Variants in WFIKKN2 observed in about 807,000 individuals in gnomAD.
The protein encoded by WFIKKN2 is WAP, follistatin/kazal, immunoglobulin, kunitz and netrin domain containing 2.
In WFIKKN2, 25 loss-of-function variants were observed where a neutral mutation model predicts 39.2. The ratio of observed to expected loss-of-function variants is 0.64; its 90% CI spans 0.47 to 0.89. The LOEUF is 0.89. Ranked by LOEUF, WFIKKN2 falls within the 40% of genes least tolerant of loss-of-function variation. The probability of loss-of-function intolerance (pLI) is 0.00; values close to 1 mark genes in which losing one functional copy is unlikely to be tolerated. For synonymous variants in WFIKKN2, 345 were observed against 329.7 expected, an observed-to-expected ratio of 1.05 and a Z score of -0.50; for missense variants, 770 against 811.7, an observed-to-expected ratio of 0.95 and a Z score of 0.62.
At chr17:50,838,972 C>T (rs1971994289) in intron 1 of WFIKKN2, among the ~76,000 whole-genome samples, 1 of 152,180 alleles carries the variant, frequency 6.6e-6, no homozygotes, top group South Asian at 2.1e-4. Context: ...GAAAGGCAGG[C>T]CTACTTGTTC....
At chr17:50,837,510 C>T (rs1023400728) in intron 1 of WFIKKN2, among the ~76,000 whole-genome samples, 6 of 152,252 alleles carry the variant, frequency 3.9e-5, no homozygotes, top group Non-Finnish European at 7.3e-5. Flanking sequence ...GTGGGACCTA[C>T]ACCTGCTCCA....
In WFIKKN2 at chr17:50,840,002, G is replaced by A. The variant is rs1972015252; in HGVS notation, c.714G>A (p.Arg238=). 6.2e-7 allele frequency: 1 copy of A among 1,614,128 alleles called. No homozygotes were observed. Among genetic ancestry groups the A allele is most frequent in the African/African-American group, 1.3e-5 (1 of 74,956 alleles). The change falls in exon 2 of 2, where the codon CGG becomes CGA. Residue 238 remains arginine (R), a synonymous_variant. Transcript: ENST00000311378. ...TCTGTGATGTGGTGGGCCGGCCCCG[G>A]CCTGAGATCACCTGGGAGAAGCAGT... ...SFLCDVVGRP[R]PEITWEKQLE...
At chr17:50,837,740 C>A (rs776951165) in intron 1 of WFIKKN2, among the ~76,000 whole-genome samples, 2 of 152,236 alleles carry the variant, frequency 1.3e-5, no homozygotes, top group African/African-American at 4.8e-5. Context: ...GACAGATGCT[C>A]CCCTTGGGCA....
chr17:50,839,591 C>A lies in WFIKKN2; in HGVS notation c.303C>A (p.Gly101=). Residue 101 remains glycine, a synonymous_variant, in exon 2 of 2, where the codon GGC becomes GGA. Transcript: ENST00000311378. The part of the protein sequence containing the change: ...ARYMDVKGKK[G]PVGMPKEATC... ...ACATGGACGTGAAAGGGAAGAAGGG[C>A]CCAGTGGGCATGCCCAAGGAGGCCA... 1 of 1,614,172 alleles carries A rather than the reference C, an allele frequency of 6.2e-7. No homozygotes were observed.
At chr17:50,836,192 A>G in intron 1 of WFIKKN2, 45 bp downstream of exon 1, 1 of 1,596,948 alleles carries the variant, frequency 6.3e-7, no homozygotes, top group Non-Finnish European at 8.5e-7. Context: ...TGAGCCTGTG[A>G]GTGACGGGGG....
chr17:50,836,922 T>G (rs572600820), intron 1 of WFIKKN2, among the ~76,000 whole-genome samples: 1 of 152,308 alleles, frequency 6.6e-6, no homozygotes, highest in African/African-American at 2.4e-5. Flanking sequence ...ACAGGCCCCG[T>G]TCACCTGGAG....
At position 50,840,330 on chromosome 17, in the gene WFIKKN2, GC is replaced by G; in HGVS notation, c.1045del (p.Gln349ArgfsTer6). 6.2e-7 allele frequency: 1 copy of G among 1,614,176 alleles called. No homozygotes were observed. Among genetic ancestry groups the G allele is most frequent in the Non-Finnish European group, 8.5e-7 (1 of 1,180,040 alleles). ...GEEQTRWHFD[A>X]QANNCLTFTF... ...AGAGCAGACCCGCTGGCACTTCGAT[GC>G]CCAGGCCAACAACTGCCTGACCTTC... On this transcript the variant is annotated frameshift_variant, in exon 2 of 2. Transcript: ENST00000311378. LOFTEE classifies it high-confidence loss of function.
chr17:50,841,016 C>A lies in WFIKKN2; in HGVS notation c.1728C>A (p.His576Gln). Residue 576 changes from histidine to glutamine, a missense_variant, in exon 2 of 2, where the codon CAC becomes CAA. Physicochemically the swap from His to Gln is conservative, Grantham distance 24. Coordinates refer to ENST00000311378, the MANE Select transcript of WFIKKN2 (RefSeq NM_175575.6). The part of the protein sequence containing the change: ...CDVLKEFLGL[H>Q] ...TCCTCAAGGAGTTTCTTGGCTTGCA[C>A]TGAAGCCCCCCACCCCTCCCTGCCC... 6.5e-7 allele frequency: 1 copy of A among 1,528,760 alleles called. No homozygotes were observed. Among genetic ancestry groups the A allele is most frequent in the Non-Finnish European group, 8.8e-7 (1 of 1,137,238 alleles). The allele number at this position is 1,528,760 out of a possible 1,614,324, so 94.7% of individuals were successfully genotyped here.
chr17:50,839,943 C>A lies in WFIKKN2; in HGVS notation c.655C>A (p.Gln219Lys), dbSNP rs1375294498. ...TGCGCTGCTCAACAACCCTGTGCACCAGTCGGTCACCATGGGTGAGACAGT... is the reference window on the plus strand; with the variant it reads ...TGCGCTGCTCAACAACCCTGTGCACAAGTCGGTCACCATGGGTGAGACAGT... ...APALLNNPVH[Q>K]SVTMGETVSF... The change falls in exon 2 of 2, where the codon CAG becomes AAG. Residue 219 changes from glutamine (Q) to lysine (K), a missense_variant. Physicochemically the swap from Gln to Lys is moderately conservative, Grantham distance 53. Transcript: ENST00000311378. 1 of 1,614,160 alleles carries A rather than the reference C, an allele frequency of 6.2e-7. No homozygotes were observed. Among genetic ancestry groups the A allele is most frequent in the South Asian group, 1.1e-5 (1 of 91,090 alleles).
rs748492095 is a variant in WFIKKN2 at position 50,840,727 on chromosome 17, G to A, written c.1439G>A (p.Arg480His). The A allele has an allele frequency of 2.9e-5, 47 of 1,613,874 alleles. No homozygotes were observed. The highest frequency in any genetic ancestry group is 1.7e-4 in the Middle Eastern group (1 of 5,962). ...CTGACCGAGGAGCCTGACTCGGGCCGCGCCCTGGTGACTGTGGATGAGGTC... is the reference window on the plus strand; with the variant it reads ...CTGACCGAGGAGCCTGACTCGGGCCACGCCCTGGTGACTGTGGATGAGGTC... ...SELTEEPDSG[R>H]ALVTVDEVLK... is the part of the protein sequence containing the mutation. Residue 480 changes from arginine (R) to histidine (H), a missense_variant, in exon 2 of 2, where the codon CGC becomes CAC. Arg to His is a conservative substitution (Grantham distance 29). Coordinates refer to ENST00000311378, the MANE Select transcript of WFIKKN2 (RefSeq NM_175575.6).
In WFIKKN2 at chr17:50,839,816, C is replaced by A. The variant is rs749302087; in HGVS notation, c.528C>A (p.Arg176=). The change falls in exon 2 of 2, where the codon CGC becomes CGA. Residue 176 remains arginine (R), a synonymous_variant. Coordinates refer to ENST00000311378, the MANE Select transcript of WFIKKN2 (RefSeq NM_175575.6). ...TCACACTGGCCGTTGTAACCTGCCG[C>A]TATCACTTCACCTGGCCCAACACCA... ...KGITLAVVTC[R]YHFTWPNTSP... is the part of the protein sequence containing the mutation. The A allele has an allele frequency of 2.1e-5, 34 of 1,614,120 alleles. No individual in the cohort carries two copies. The African/African-American group carries it at 4.3e-4, about 20-fold the overall frequency.
At chr17:50,835,534 C>CT (rs67643865), upstream of WFIKKN2, 421 of 175,314 alleles carry the variant, frequency 2.4e-3, no homozygotes, top group East Asian at 4.7e-3. Flanking sequence ...CTTCCAGCTT[C>CT]TTTTTTTTTT....
intron 1 of WFIKKN2, among the ~76,000 whole-genome samples, chr17:50,838,890 G>A (rs964030264): frequency 1.3e-5 from 2 of 152,092 alleles, no homozygotes; most frequent in South Asian, 4.1e-4. Context: ...AGTCCCAGGG[G>A]CATTCCCCTC....
intron 1 of WFIKKN2, 102 bp downstream of exon 1, chr17:50,836,249 G>A (rs919000021): frequency 2.4e-5 from 33 of 1,369,632 alleles, no homozygotes; most frequent in Non-Finnish European, 3.0e-5. Flanking sequence ...GGAGGACAAC[G>A]TGAGTGGGGT....
intron 1 of WFIKKN2, among the ~76,000 whole-genome samples, chr17:50,836,919 C>T (rs1335656390): frequency 1.3e-5 from 2 of 152,324 alleles, no homozygotes; most frequent in South Asian, 2.1e-4. Context: ...AACACAGGCC[C>T]CGTTCACCTG....
In WFIKKN2 at chr17:50,835,657, A is replaced by C; in HGVS notation, c.-281A>C. On this transcript the variant is annotated 5_prime_UTR_variant, in exon 1 of 2. Transcript: ENST00000311378. ...CCCACTCGGGTGGCGCGCCCAGGATATAAATCCGGGCGCGGGCCCCTGCTG... is the reference window on the plus strand; with the variant it reads ...CCCACTCGGGTGGCGCGCCCAGGATCTAAATCCGGGCGCGGGCCCCTGCTG... The C allele has an allele frequency of 6.6e-6, 3 of 453,794 alleles. No homozygotes were observed. Among genetic ancestry groups the C allele is most frequent in the Non-Finnish European group, 7.8e-6 (2 of 257,348 alleles). The allele number at this position is 453,794 out of a possible 1,614,324, so 28.1% of individuals were successfully genotyped here.
At position 50,840,446 on chromosome 17, in the gene WFIKKN2, C is replaced by T. The variant is rs149628987; in HGVS notation, c.1158C>T (p.Cys386=). 6 of 1,613,722 alleles carry T rather than the reference C, an allele frequency of 3.7e-6. No individual in the cohort carries two copies. The highest frequency in any genetic ancestry group is 1.6e-4 in the Middle Eastern group (1 of 6,084). Residue 386 remains cysteine, a synonymous_variant, in exon 2 of 2, where the codon TGC becomes TGT. Coordinates refer to ENST00000311378, the MANE Select transcript of WFIKKN2 (RefSeq NM_175575.6). ...LACMSGPLAA[C]SLPALQGPCK... is the part of the protein sequence containing the mutation. ...GCATGAGCGGGCCGCTGGCCGCGTG[C>T]AGCCTGCCCGCCCTGCAGGGGCCCT... is the stretch of plus-strand genomic sequence containing the variant.
In WFIKKN2 at chr17:50,840,078, G is replaced by A. The variant is rs756317416; in HGVS notation, c.790G>A (p.Val264Met). Residue 264 changes from valine to methionine, a missense_variant, in exon 2 of 2, where the codon GTG becomes ATG. By Grantham distance (21) the Val-to-Met change is conservative (BLOSUM62 1). Coordinates refer to ENST00000311378, the MANE Select transcript of WFIKKN2 (RefSeq NM_175575.6). ...GCGGCCCAACCATGTGCGTGGCAAC[G>A]TGGTGGTCACCAACATTGCCCAGCT... ...VMRPNHVRGN[V>M]VVTNIAQLVI... 69 of 1,614,104 alleles carry A rather than the reference G, an allele frequency of 4.3e-5. No individual in the cohort carries two copies. Among genetic ancestry groups the A allele is most frequent in the Non-Finnish European group, 5.7e-5 (67 of 1,180,036 alleles).
Position 50,840,279 on chromosome 17 carries a change from C to A in WFIKKN2, c.991C>A (p.Pro331Thr), listed in dbSNP as rs766751665. The A allele has an allele frequency of 4.3e-6, 7 of 1,613,888 alleles. No homozygotes were observed. The highest frequency in any genetic ancestry group is 5.9e-6 in the Non-Finnish European group (7 of 1,179,970). Residue 331 changes from proline to threonine, a missense_variant, in exon 2 of 2, where the codon CCC becomes ACC. Transcript: ENST00000311378. The part of the protein sequence containing the change: ...TAFPAAECLK[P>T]PDSEDCGEEQ... Reference sequence around the variant, plus strand: ...TTTCCCGGCGGCCGAGTGCCTGAAGCCCCCAGACAGTGAGGACTGTGGCGA... The same window carrying A: ...TTTCCCGGCGGCCGAGTGCCTGAAGACCCCAGACAGTGAGGACTGTGGCGA...
Sources: gnomAD v4.1 joint callset for allele counts (sites outside exome capture counted in the v4.1 genomes callset) on GRCh38, gnomAD v4.1.1 for gene constraint, MANE v1.5 for transcripts, NCBI Gene and HGNC (gene_info 2026-07-23, HGNC 2026-07-21) for gene names.